The following CCDC171 variants were observed in gnomAD, a reference collection of about 807,000 sequenced individuals.
The protein encoded by CCDC171 is coiled-coil domain-containing protein 171.
CCDC171 carries 177 observed loss-of-function variants against 168.2 expected under a neutral mutation model. The ratio of observed to expected loss-of-function variants is 1.05; its 90% CI spans 0.93 to 1.19. The LOEUF (loss-of-function observed/expected upper bound fraction) is 1.19. Among genes scored for constraint, CCDC171 ranks in the 50% most tolerant of loss-of-function variants. The pLI is 0.00. For missense variants in CCDC171, 1,991 were observed against 1,539.0 expected, an observed-to-expected ratio of 1.29 and a Z score of -4.91; for synonymous variants, 687 against 540.8, an observed-to-expected ratio of 1.27 and a Z score of -3.75.
intron 7 of CCDC171, among the ~76,000 whole-genome samples, chr9:15,636,874 T>G (rs2046239590): frequency 6.6e-6 from 1 of 152,098 alleles, no homozygotes; most frequent in Non-Finnish European, 1.5e-5. Flanking sequence ...AACATTTTAT[T>G]AATTGTGTTA....
chr9:16,103,523 GT>G, the CCDC171 span, among the ~76,000 whole-genome samples: 3 of 152,204 alleles, frequency 2.0e-5, no homozygotes, highest in Non-Finnish European at 4.4e-5. Flanking sequence ...AGAGCCCCTT[GT>G]TTTCATCTGC....
In CCDC171 at chr9:15,575,400, C is replaced by T. The variant is rs182531187; in HGVS notation, c.178-3449C>T. ...TGTTGTCCAGGCTGGTCTTGAACTT[C>T]TGGGCTCAAGTGATCCACCCACCTT... is the stretch of plus-strand genomic sequence containing the variant. On this transcript the variant is annotated intron_variant, in intron 3 of 25. Transcript: ENST00000380701. Among the ~76,000 whole-genome samples the T allele has an allele frequency of 2.6e-5, 4 of 152,120 alleles. No individual in the cohort carries two copies. The East Asian group carries it at 5.8e-4, about 22-fold the overall frequency.
chr9:16,051,594 C>A (rs950390163), intron 1 of CCDC171, among the ~76,000 whole-genome samples: 8 of 152,168 alleles, frequency 5.3e-5, no homozygotes. Context: ...CAGTCCACAC[C>A]ATTGAAAAAC....
intron 3 of CCDC171, among the ~76,000 whole-genome samples, chr9:15,578,485 G>C (rs2040853404): frequency 1.3e-5 from 2 of 149,724 alleles, no homozygotes; most frequent in Admixed American, 1.3e-4. Flanking sequence ...GCCCGGGCTG[G>C]TCTTGAACTC....
intron 23 of CCDC171, among the ~76,000 whole-genome samples, chr9:15,858,862 TG>T (rs1326098793): frequency 1.3e-5 from 2 of 152,130 alleles, no homozygotes; most frequent in African/African-American, 4.8e-5. Context: ...CTTTTCTGTT[TG>T]GATGCCTATT....
intron 25 of CCDC171, among the ~76,000 whole-genome samples, chr9:15,963,967 G>T (rs913372185): frequency 1.3e-5 from 2 of 152,198 alleles, no homozygotes; most frequent in South Asian, 2.1e-4. Context: ...AACGGAAGCA[G>T]TGCCTCCTTC....
At chr9:15,811,141 T>A (rs2059339196) in intron 21 of CCDC171, among the ~76,000 whole-genome samples, 1 of 152,206 alleles carries the variant, frequency 6.6e-6, no homozygotes, top group Non-Finnish European at 1.5e-5. Context: ...AAGAGAAACT[T>A]ACCTGCAATA....
intron 21 of CCDC171, among the ~76,000 whole-genome samples, chr9:15,821,345 G>C (rs2059761601): frequency 8.6e-6 from 1 of 116,892 alleles, no homozygotes; most frequent in Non-Finnish European, 1.9e-5. Flanking sequence ...AGGGCAATCA[G>C]GCAGGAGAAG....
intron 23 of CCDC171, among the ~76,000 whole-genome samples, chr9:15,865,576 C>T (rs2061743370): frequency 6.6e-6 from 1 of 151,976 alleles, no homozygotes; most frequent in South Asian, 2.1e-4. Context: ...TTATGATGAT[C>T]CACTTCCACT....
chr9:15,860,936 ATGTGTG>A (rs770617574), intron 23 of CCDC171, among the ~76,000 whole-genome samples: 267 of 144,256 alleles, frequency 1.9e-3, no homozygotes, highest in Non-Finnish European at 2.4e-3. Flanking sequence ...GTTGTTAGGG[ATGTGTG>A]TGTGTGTGTG....
the CCDC171 span, among the ~76,000 whole-genome samples, chr9:16,101,062 A>G: frequency 0.057 from 8,700 of 152,288 alleles, 827 homozygotes; most frequent in African/African-American, 0.2. Flanking sequence ...GGAGGGAAGC[A>G]GAGAAAGCCG....
intron 21 of CCDC171, among the ~76,000 whole-genome samples, chr9:15,810,467 G>A (rs2059294469): frequency 6.8e-6 from 1 of 146,134 alleles, no homozygotes; most frequent in Admixed American, 6.8e-5. Context: ...TGTCGGGGAG[G>A]CTAGGGCCAC....
intron 25 of CCDC171, among the ~76,000 whole-genome samples, chr9:15,967,186 C>G (rs984827469): frequency 2.0e-5 from 3 of 152,132 alleles, no homozygotes; most frequent in Non-Finnish European, 2.9e-5. Context: ...AGTATTGAGA[C>G]TCTGGTAAGA....
intron 7 of CCDC171, among the ~76,000 whole-genome samples, chr9:15,650,802 T>C (rs1052449211): frequency 6.6e-6 from 1 of 152,182 alleles, no homozygotes; most frequent in African/African-American, 2.4e-5. Context: ...AATGAAATTA[T>C]CAAGTCACTA....
At chr9:15,916,258 A>G (rs559246216) in intron 24 of CCDC171, among the ~76,000 whole-genome samples, 1 of 151,920 alleles carries the variant, frequency 6.6e-6, no homozygotes, top group Non-Finnish European at 1.5e-5. Flanking sequence ...AGCCTTTATT[A>G]TATGCCAGGT....
At chr9:15,920,934 C>T (rs920062781) in intron 25 of CCDC171, among the ~76,000 whole-genome samples, 2 of 150,664 alleles carry the variant, frequency 1.3e-5, no homozygotes, top group East Asian at 2.0e-4. Context: ...AATTTCAGCC[C>T]ATGATGAAGT....
intron 9 of CCDC171, among the ~76,000 whole-genome samples, chr9:15,672,945 C>T (rs1031604444): frequency 2.6e-5 from 4 of 152,164 alleles, no homozygotes; most frequent in Non-Finnish European, 5.9e-5. Flanking sequence ...TTACCTTGGG[C>T]AGTATAGCCA....
the CCDC171 span, among the ~76,000 whole-genome samples, chr9:16,069,586 A>G: frequency 2.6e-5 from 4 of 152,262 alleles, no homozygotes. Flanking sequence ...AGCTCTGGTC[A>G]GGGAACTGTG....
chr9:15,624,670 C>T (rs893617392), intron 7 of CCDC171, among the ~76,000 whole-genome samples: 17 of 152,140 alleles, frequency 1.1e-4, no homozygotes, highest in African/African-American at 4.1e-4. Flanking sequence ...GCATAGTATT[C>T]CATGGTGTAT....
Sources: allele counts gnomAD v4.1 joint callset (sites outside exome capture counted in the v4.1 genomes callset), GRCh38; gene constraint gnomAD v4.1.1; transcripts MANE v1.5; gene names NCBI Gene and HGNC (gene_info 2026-07-23, HGNC 2026-07-21).